Variants in FNBP1 observed in about 807,000 individuals in gnomAD.
FNBP1 encodes formin binding protein 1.
Under a neutral mutation model 90.6 loss-of-function variants are expected in FNBP1, and 26 were observed. The ratio of observed to expected loss-of-function variants is 0.29; its 90% CI spans 0.21 to 0.40. FNBP1 has a LOEUF of 0.40. Ranked by LOEUF, FNBP1 falls within the 10% of genes least tolerant of loss-of-function variation. FNBP1 has a pLI of 1.00. For synonymous variants in FNBP1, 260 were observed against 265.2 expected (o/e 0.98, Z 0.19); for missense variants, 635 against 768.0 (o/e 0.83, Z 2.05).
chr9:129,909,369 A>ACATTGTTAATGTC (rs1190162654), intron 11 of FNBP1, among the ~76,000 whole-genome samples: 10 of 152,156 alleles, frequency 6.6e-5, no homozygotes, highest in African/African-American at 2.4e-4. Flanking sequence ...GGCAACACTG[A>ACATTGTTAATGTC]AGTGTTAATG....
chr9:129,999,583 A>C (rs573801357), intron 1 of FNBP1, among the ~76,000 whole-genome samples: 1 of 151,260 alleles, frequency 6.6e-6, no homozygotes, highest in Admixed American at 6.6e-5. Context: ...GGGGCGACAG[A>C]GTGAGACTCT....
chr9:130,028,001 C>T (rs2058507834), intron 1 of FNBP1, among the ~76,000 whole-genome samples: 1 of 152,274 alleles, frequency 6.6e-6, no homozygotes, highest in South Asian at 2.1e-4. Flanking sequence ...AATCATCCCC[C>T]TCACCTCTAC....
chr9:130,026,398 G>C (rs543830138), intron 1 of FNBP1, among the ~76,000 whole-genome samples: 64 of 152,200 alleles, frequency 4.2e-4, no homozygotes, highest in African/African-American at 1.5e-3. Context: ...GGAGGCTGAG[G>C]CAGGAGAATC....
chr9:129,973,032 T>G (rs777918840), intron 4 of FNBP1, among the ~76,000 whole-genome samples: 2 of 152,178 alleles, frequency 1.3e-5, no homozygotes, highest in African/African-American at 4.8e-5. Flanking sequence ...GATTCCTAAG[T>G]GTATGCTCAT....
chr9:130,013,053 A>C (rs2056825881), intron 1 of FNBP1, among the ~76,000 whole-genome samples: 1 of 152,268 alleles, frequency 6.6e-6, no homozygotes, highest in Non-Finnish European at 1.5e-5. Flanking sequence ...GAAAGTGAAC[A>C]TAAAAAATAC....
Position 129,903,866 on chromosome 9 carries a change from G to A in FNBP1, c.1296-865C>T, listed in dbSNP as rs779639967. 5.9e-5 allele frequency among the ~76,000 whole-genome samples: 9 copies of A among 152,096 alleles called. No homozygotes were observed. The South Asian group carries it at 1.7e-3, about 28-fold the overall frequency. On this transcript the variant is annotated intron_variant, in intron 12 of 16. Coordinates refer to ENST00000446176, the MANE Select transcript of FNBP1 (RefSeq NM_015033.3). The stretch of plus-strand genomic sequence containing the variant: ...AGTATTTCCAACATGGTGAAACCCC[G>A]TCTCTACTAAAATTACAAAAATTAG...
chr9:130,007,616 G>C (rs563062580), intron 1 of FNBP1, among the ~76,000 whole-genome samples: 92 of 152,274 alleles, frequency 6.0e-4, no homozygotes, highest in African/African-American at 2.2e-3. Context: ...GAACACCTTA[G>C]TCACTTTCAG....
At chr9:130,052,459 G>T in the FNBP1 span, among the ~76,000 whole-genome samples, 1 of 151,958 alleles carries the variant, frequency 6.6e-6, no homozygotes. Context: ...TTGAGACAGA[G>T]TCTCACTCTG....
At chr9:129,902,321 C>T (rs994083044) in intron 13 of FNBP1, among the ~76,000 whole-genome samples, 36 of 152,070 alleles carry the variant, frequency 2.4e-4, no homozygotes, top group African/African-American at 7.5e-4. Flanking sequence ...GGCACAGTGG[C>T]TCACAGTGGC....
At chr9:130,047,856 C>T (rs866592790), upstream of FNBP1, among the ~76,000 whole-genome samples, 3 of 152,148 alleles carry the variant, frequency 2.0e-5, no homozygotes, top group East Asian at 5.8e-4. Flanking sequence ...ACATCTAATT[C>T]GGGATCTTAG....
At chr9:129,975,704 C>A (rs1404936681) in intron 4 of FNBP1, among the ~76,000 whole-genome samples, 2 of 151,928 alleles carry the variant, frequency 1.3e-5, no homozygotes, top group East Asian at 3.9e-4. Flanking sequence ...GAGTGCGAGA[C>A]CAGCCTGGCC....
chr9:129,924,948 A>G lies in FNBP1; in HGVS notation c.987+12T>C, dbSNP rs755381530. On this transcript the variant is annotated intron_variant, in intron 9 of 16. Coordinates refer to ENST00000446176, the MANE Select transcript of FNBP1 (RefSeq NM_015033.3). ...CACCTTAGAAAACTCATTTCACGCC[A>G]ACCATCAGTACCTTATTTTTTTTGA... is the stretch of plus-strand genomic sequence containing the variant. 1 of 1,602,238 alleles carries G rather than the reference A, an allele frequency of 6.2e-7. No homozygotes were observed. Among genetic ancestry groups the G allele is most frequent in the Non-Finnish European group, 8.5e-7 (1 of 1,173,702 alleles).
chr9:129,961,943 C>T (rs146467583), intron 4 of FNBP1, among the ~76,000 whole-genome samples: 4 of 152,280 alleles, frequency 2.6e-5, no homozygotes, highest in African/African-American at 9.6e-5. Context: ...CAATGTCCTG[C>T]AAATTTCCCA....
At chr9:130,014,263 T>C (rs1247009697) in intron 1 of FNBP1, among the ~76,000 whole-genome samples, 2 of 149,990 alleles carry the variant, frequency 1.3e-5, no homozygotes, top group East Asian at 3.9e-4. Flanking sequence ...TTTTTTTTTT[T>C]CTTTTTGAGA....
At chr9:129,915,932 A>C in intron 11 of FNBP1, 34 bp downstream of exon 11, 1 of 1,559,560 alleles carries the variant, frequency 6.4e-7, no homozygotes, top group Non-Finnish European at 8.8e-7. Context: ...AAACCTGATT[A>C]GACTCAGGAC....
chr9:130,004,279 G>A (rs1238089707), intron 1 of FNBP1, among the ~76,000 whole-genome samples: 2 of 151,542 alleles, frequency 1.3e-5, no homozygotes, highest in Non-Finnish European at 2.9e-5. Context: ...AAAAAAAAGT[G>A]TACTAAACCA....
intron 15 of FNBP1, among the ~76,000 whole-genome samples, chr9:129,898,912 T>C (rs2036322060): frequency 6.6e-6 from 1 of 151,932 alleles, no homozygotes. Flanking sequence ...AGATATTAAA[T>C]GAATGGATGA....
intron 4 of FNBP1, among the ~76,000 whole-genome samples, chr9:129,974,770 G>A (rs2130807290): frequency 6.6e-6 from 1 of 151,620 alleles, no homozygotes; most frequent in Admixed American, 6.6e-5. Flanking sequence ...TAAGATAGGA[G>A]GATCATTTGA....
intron 6 of FNBP1, among the ~76,000 whole-genome samples, chr9:129,939,923 A>G (rs2132298005): frequency 6.6e-6 from 1 of 152,280 alleles, no homozygotes; most frequent in South Asian, 2.1e-4. Context: ...ACAACAGGCC[A>G]GGCACAGCGG....
Sources: gnomAD v4.1 joint callset for allele counts (sites outside exome capture counted in the v4.1 genomes callset) on GRCh38, gnomAD v4.1.1 for gene constraint, MANE v1.5 for transcripts, NCBI Gene and HGNC (gene_info 2026-07-23, HGNC 2026-07-21) for gene names.